Variants in MDGA2 observed in about 807,000 individuals in gnomAD.
The protein encoded by MDGA2 is MAM domain-containing glycosylphosphatidylinositol anchor protein 2.
In MDGA2, 40 loss-of-function variants were observed where a neutral mutation model predicts 117.8. That is an observed-to-expected ratio of 0.34 (90% CI 0.26 to 0.44). The LOEUF (loss-of-function observed/expected upper bound fraction) is 0.44, where lower values mean the gene tolerates loss of function less well. MDGA2 is among the 20% of genes least tolerant of loss of function. The pLI is 1.00. For missense variants in MDGA2, 1,123 were observed against 1,250.6 expected (o/e 0.90, Z 1.54); for synonymous variants, 452 against 439.0 (o/e 1.03, Z -0.37).
At chr14:47,496,952 G>C (rs543894244) in intron 1 of MDGA2, among the ~76,000 whole-genome samples, 10 of 151,972 alleles carry the variant, frequency 6.6e-5, no homozygotes, top group African/African-American at 1.9e-4. Context: ...TTCTCATAAG[G>C]AGCAGGCAAA....
At chr14:47,323,294 T>C (rs1890044432) in intron 1 of MDGA2, among the ~76,000 whole-genome samples, 1 of 151,236 alleles carries the variant, frequency 6.6e-6, no homozygotes. Context: ...TTGACTTGAT[T>C]AGTAGATGTG....
chr14:47,157,515 C>T (rs770530166), intron 3 of MDGA2, among the ~76,000 whole-genome samples: 13 of 151,752 alleles, frequency 8.6e-5, no homozygotes, highest in Non-Finnish European at 1.9e-4. Flanking sequence ...TTTTCTTTTA[C>T]CTCTTCCTCA....
chr14:47,125,516 C>T (rs1881856864), intron 5 of MDGA2, among the ~76,000 whole-genome samples: 1 of 150,012 alleles, frequency 6.7e-6, no homozygotes, highest in Non-Finnish European at 1.5e-5. Context: ...ACATAGGAAA[C>T]AAAGACGTTT....
intron 1 of MDGA2, among the ~76,000 whole-genome samples, chr14:47,583,600 G>A (rs547079653): frequency 6.6e-6 from 1 of 151,746 alleles, no homozygotes; most frequent in Non-Finnish European, 1.5e-5. Flanking sequence ...CTTTCTGGAG[G>A]ATGGAGAAAA....
At chr14:47,364,725 A>T (rs977825915) in intron 1 of MDGA2, among the ~76,000 whole-genome samples, 2 of 152,240 alleles carry the variant, frequency 1.3e-5, no homozygotes, top group Non-Finnish European at 2.9e-5. Flanking sequence ...AAACTAAAAA[A>T]CAAAAGCAAA....
intron 1 of MDGA2, among the ~76,000 whole-genome samples, chr14:47,498,776 C>G (rs1400120719): frequency 6.6e-6 from 1 of 152,012 alleles, no homozygotes; most frequent in African/African-American, 2.4e-5. Flanking sequence ...AATTCTTGCA[C>G]TGAAAAGGAA....
chr14:47,462,169 A>T (rs1482672060), intron 1 of MDGA2, among the ~76,000 whole-genome samples: 1 of 152,062 alleles, frequency 6.6e-6, no homozygotes, highest in Non-Finnish European at 1.5e-5. Context: ...CGAGGTCAGG[A>T]GACTGAGACC....
At chr14:47,058,578 A>C (rs1231171002) in intron 7 of MDGA2, 2 of 984,864 alleles carry the variant, frequency 2.0e-6, no homozygotes, top group African/African-American at 3.5e-5. Context: ...CCTAGAATAC[A>C]CCTATTTTCA....
intron 1 of MDGA2, among the ~76,000 whole-genome samples, chr14:47,412,074 AAAG>A (rs753629758): frequency 4.1e-4 from 62 of 152,226 alleles, no homozygotes; most frequent in Non-Finnish European, 6.6e-4. Flanking sequence ...TATTTTTTGG[AAAG>A]AAGAAGGAAA....
intron 3 of MDGA2, among the ~76,000 whole-genome samples, chr14:47,144,815 A>ATTTTTTTTTCT (rs1882872858): frequency 7.7e-6 from 1 of 130,458 alleles, no homozygotes; most frequent in Non-Finnish European, 1.6e-5. Context: ...TGCCCGGCTA[A>ATTTTTTTTTCT]TTTTTTTTTT....
At chr14:46,949,949 T>A (rs2138608091) in intron 9 of MDGA2, among the ~76,000 whole-genome samples, 1 of 152,026 alleles carries the variant, frequency 6.6e-6, no homozygotes, top group South Asian at 2.1e-4. Context: ...GAATCTTTTA[T>A]TGGAGAAATT....
chr14:47,024,254 T>G (rs1196776017), intron 8 of MDGA2, among the ~76,000 whole-genome samples: 1 of 152,154 alleles, frequency 6.6e-6, no homozygotes, highest in Non-Finnish European at 1.5e-5. Context: ...GAAAACTTTG[T>G]GTACTGAAAT....
chr14:46,949,216 A>T (rs1885281580), intron 9 of MDGA2, among the ~76,000 whole-genome samples: 1 of 152,050 alleles, frequency 6.6e-6, no homozygotes, highest in South Asian at 2.1e-4. Context: ...TCTTCCATTC[A>T]TGGGAGAACT....
rs1893522871 is a variant in MDGA2 at position 47,462,975 on chromosome 14, G to C, written c.281-161425C>G. On this transcript the variant is annotated intron_variant, in intron 1 of 16. Transcript: ENST00000399232. The stretch of plus-strand genomic sequence containing the variant: ...CATTGTGGCTTGCCACAAAAATTGT[G>C]GAGGAGTTAATGATCATTTTAGAAA... 2.0e-5 allele frequency among the ~76,000 whole-genome samples: 3 copies of C among 152,090 alleles called. No homozygotes were observed. In the South Asian group the frequency reaches 6.2e-4, roughly 31 times the overall value.
At chr14:47,578,779 T>C (rs1896173679) in intron 1 of MDGA2, among the ~76,000 whole-genome samples, 1 of 152,196 alleles carries the variant, frequency 6.6e-6, no homozygotes, top group East Asian at 1.9e-4. Flanking sequence ...ATGATCTTCA[T>C]AACTATCATT....
At chr14:47,108,235 AC>A (rs1594630090) in intron 5 of MDGA2, among the ~76,000 whole-genome samples, 3 of 151,458 alleles carry the variant, frequency 2.0e-5, no homozygotes, top group East Asian at 3.9e-4. Context: ...GGTCCATAAC[AC>A]CCCCCAAAAA....
intron 2 of MDGA2, among the ~76,000 whole-genome samples, chr14:47,285,992 G>A (rs749576906): frequency 1.1e-4 from 17 of 151,834 alleles, no homozygotes; most frequent in Non-Finnish European, 1.6e-4. Context: ...GACCTACTAC[G>A]TGTGAAGCTT....
At chr14:46,988,352 T>C (rs930288252) in intron 8 of MDGA2, among the ~76,000 whole-genome samples, 1 of 152,102 alleles carries the variant, frequency 6.6e-6, no homozygotes, top group Non-Finnish European at 1.5e-5. Flanking sequence ...AAGAGTAGCA[T>C]AATTTTGATT....
chr14:47,231,033 T>C (rs1372688804), intron 2 of MDGA2, among the ~76,000 whole-genome samples: 5 of 152,044 alleles, frequency 3.3e-5, no homozygotes, highest in African/African-American at 9.7e-5. Context: ...GATTTTCTAC[T>C]GGGGATTTTT....
Sources: gnomAD v4.1 joint callset for allele counts (sites outside exome capture counted in the v4.1 genomes callset) on GRCh38, gnomAD v4.1.1 for gene constraint, MANE v1.5 for transcripts, NCBI Gene and HGNC (gene_info 2026-07-23, HGNC 2026-07-21) for gene names.